CCDC148: variants seen among roughly 807,000 people sequenced by gnomAD.
CCDC148 encodes the protein coiled-coil domain-containing protein 148.
Under a neutral mutation model 85.7 loss-of-function variants are expected in CCDC148, and 89 were observed. That is an observed-to-expected ratio of 1.04 (90% CI 0.87 to 1.24). CCDC148 has a LOEUF of 1.24. Ranked by LOEUF, CCDC148 falls within the 50% of genes most tolerant of loss-of-function variation. The probability of loss-of-function intolerance (pLI) is 0.00; values close to 1 mark genes in which losing one functional copy is unlikely to be tolerated. For synonymous variants in CCDC148, 230 were observed against 213.9 expected (o/e 1.08, Z -0.66); for missense variants, 692 against 671.7 (o/e 1.03, Z -0.33).
At chr2:158,412,826 T>TTTA (rs70994204) in intron 1 of CCDC148, among the ~76,000 whole-genome samples, 3,305 of 138,856 alleles carry the variant, frequency 0.024, 48 homozygotes, top group Middle Eastern at 0.031. Context: ...AATATAAGTA[T>TTTA]TTATTATTAT....
intron 11 of CCDC148, among the ~76,000 whole-genome samples, chr2:158,186,736 T>A (rs1685174419): frequency 6.6e-6 from 1 of 151,958 alleles, no homozygotes; most frequent in Non-Finnish European, 1.5e-5. Context: ...TTCTCATTTA[T>A]TAACTTAAAT....
intron 11 of CCDC148, among the ~76,000 whole-genome samples, chr2:158,191,627 T>C (rs1460924197): frequency 1.3e-5 from 2 of 151,978 alleles, no homozygotes; most frequent in Non-Finnish European, 2.9e-5. Context: ...ATGTATTGGG[T>C]GTGACTTTTT....
At chr2:158,425,493 C>T (rs1230947202) in intron 1 of CCDC148, among the ~76,000 whole-genome samples, 13 of 146,710 alleles carry the variant, frequency 8.9e-5, no homozygotes. Flanking sequence ...TTGTCCTTTG[C>T]TATCTGTTAT....
intron 1 of CCDC148, among the ~76,000 whole-genome samples, chr2:158,371,723 C>A (rs953837261): frequency 6.6e-6 from 1 of 150,614 alleles, no homozygotes; most frequent in Non-Finnish European, 1.5e-5. Context: ...GGCATGTATA[C>A]ATATATATAT....
At chr2:158,418,748 G>T (rs537066041) in intron 1 of CCDC148, among the ~76,000 whole-genome samples, 5 of 151,158 alleles carry the variant, frequency 3.3e-5, no homozygotes, top group African/African-American at 1.2e-4. Flanking sequence ...TTCCTCACTA[G>T]AATAGAAGCT....
chr2:158,215,534 CT>C (rs1287892013), intron 11 of CCDC148, among the ~76,000 whole-genome samples: 2 of 150,690 alleles, frequency 1.3e-5, no homozygotes, highest in African/African-American at 2.4e-5. Context: ...GCACCTTTTT[CT>C]TTTTTTTCTT....
rs1410894538 is a variant in CCDC148 at position 158,171,108 on chromosome 2, T to C, written c.*1005A>G. On this transcript the variant is annotated 3_prime_UTR_variant, in exon 14 of 14. Coordinates refer to ENST00000283233, the MANE Select transcript of CCDC148 (RefSeq NM_138803.4). ...AGATTTATTCTAACGGGACTGTACT[T>C]GTATTTTTTATTTCCATGATGTTGG... 6.6e-6 allele frequency: 1 copy of C among 152,006 alleles called. No individual in the cohort carries two copies. Among genetic ancestry groups the C allele is most frequent in the Non-Finnish European group, 1.5e-5 (1 of 67,960 alleles). 9.4% of individuals were successfully genotyped at this position (152,006 alleles called of 1,614,324 possible).
At chr2:158,436,740 TAAAAA>T (rs1687670677) in intron 1 of CCDC148, among the ~76,000 whole-genome samples, 1 of 151,624 alleles carries the variant, frequency 6.6e-6, no homozygotes, top group African/African-American at 2.4e-5. Context: ...GCAAGACTAA[TAAAAA>T]GAAAAGAGAG....
At chr2:158,191,189 C>T (rs1685408239) in intron 11 of CCDC148, among the ~76,000 whole-genome samples, 1 of 151,976 alleles carries the variant, frequency 6.6e-6, no homozygotes, top group Non-Finnish European at 1.5e-5. Context: ...ACAGTCTTCT[C>T]CCTCAAACAA....
intron 1 of CCDC148, among the ~76,000 whole-genome samples, chr2:158,430,694 G>A (rs1278590596): frequency 2.0e-5 from 3 of 151,992 alleles, no homozygotes; most frequent in Non-Finnish European, 4.4e-5. Flanking sequence ...TTATATGAAT[G>A]TATCAAATTA....
At chr2:158,372,502 C>T (rs1269257136) in intron 1 of CCDC148, among the ~76,000 whole-genome samples, 2 of 152,022 alleles carry the variant, frequency 1.3e-5, no homozygotes, top group African/African-American at 2.4e-5. Flanking sequence ...TTTGGACATG[C>T]TTAAATTTGT....
intron 8 of CCDC148, 120 bp downstream of exon 8, chr2:158,313,636 C>A (rs1692142296): frequency 8.9e-6 from 9 of 1,014,898 alleles, no homozygotes; most frequent in East Asian, 5.6e-5. Flanking sequence ...CTATTATTTT[C>A]TAGAGGGTAG....
At chr2:158,359,127 T>C (rs1683811137) in intron 1 of CCDC148, among the ~76,000 whole-genome samples, 1 of 152,132 alleles carries the variant, frequency 6.6e-6, no homozygotes. Flanking sequence ...ATACATACAA[T>C]GTCCTAGTCT....
At chr2:158,262,883 T>C (rs1458536720) in intron 9 of CCDC148, among the ~76,000 whole-genome samples, 1 of 151,708 alleles carries the variant, frequency 6.6e-6, no homozygotes, top group Non-Finnish European at 1.5e-5. Flanking sequence ...AAAATAATAG[T>C]AATAAAAGAA....
intron 9 of CCDC148, among the ~76,000 whole-genome samples, chr2:158,286,401 A>T (rs1195312685): frequency 6.6e-6 from 1 of 152,250 alleles, no homozygotes; most frequent in Non-Finnish European, 1.5e-5. Flanking sequence ...AAATGTATAC[A>T]ATGTTCTTTA....
chr2:158,395,492 G>A (rs1685484941), intron 1 of CCDC148, among the ~76,000 whole-genome samples: 1 of 152,072 alleles, frequency 6.6e-6, no homozygotes, highest in Admixed American at 6.6e-5. Context: ...TAAAACTAAA[G>A]AATCTGTAAA....
In CCDC148 at chr2:158,436,353, T is replaced by G. The variant is rs1197126810; in HGVS notation, c.25+20062A>C. On this transcript the variant is annotated intron_variant, in intron 1 of 13. Coordinates refer to ENST00000283233, the MANE Select transcript of CCDC148 (RefSeq NM_138803.4). ...CAAAACCACACAACTACATGGAAAC[T>G]GAACAACCTACTCCTGAATGACTAC... 3.3e-5 allele frequency among the ~76,000 whole-genome samples: 5 copies of G among 152,292 alleles called. No homozygotes were observed. The East Asian group carries it at 7.7e-4, about 23-fold the overall frequency.
intron 1 of CCDC148, among the ~76,000 whole-genome samples, chr2:158,413,094 T>A (rs907029773): frequency 1.4e-4 from 21 of 152,088 alleles, no homozygotes; most frequent in Non-Finnish European, 7.4e-5. Flanking sequence ...TAAAATAAAC[T>A]TACAGAAAGT....
intron 1 of CCDC148, among the ~76,000 whole-genome samples, chr2:158,403,433 C>T (rs76660049): frequency 0.027 from 4,167 of 152,080 alleles, 98 homozygotes; most frequent in Non-Finnish European, 0.045. Flanking sequence ...TTCATTTCAA[C>T]CACTGAGGGA....
Sources: gnomAD v4.1 joint callset for allele counts (sites outside exome capture counted in the v4.1 genomes callset) on GRCh38, gnomAD v4.1.1 for gene constraint, MANE v1.5 for transcripts, NCBI Gene and HGNC (gene_info 2026-07-23, HGNC 2026-07-21) for gene names.